The following AGAP1 variants were observed in gnomAD, a reference collection of about 807,000 sequenced individuals.
AGAP1 encodes arf-GAP with GTPase, ANK repeat and PH domain-containing protein 1.
AGAP1 carries 29 observed loss-of-function variants against 105.3 expected under a neutral mutation model. That is an observed-to-expected ratio of 0.28 (90% CI 0.21 to 0.38). The LOEUF (loss-of-function observed/expected upper bound fraction) is 0.38. AGAP1 is among the 10% of genes least tolerant of loss of function. AGAP1 has a pLI of 1.00. For missense variants in AGAP1, 998 were observed against 1,165.1 expected, an observed-to-expected ratio of 0.86 and a Z score of 2.09; for synonymous variants, 509 against 485.9, an observed-to-expected ratio of 1.05 and a Z score of -0.63.
intron 1 of AGAP1, among the ~76,000 whole-genome samples, chr2:235,590,627 TG>T (rs1460689996): frequency 1.3e-5 from 2 of 152,008 alleles, no homozygotes; most frequent in Non-Finnish European, 2.9e-5. Context: ...CACTCATTTT[TG>T]TTTTTGTTTC....
At chr2:235,828,895 A>G (rs1304561275) in intron 9 of AGAP1, among the ~76,000 whole-genome samples, 1 of 152,190 alleles carries the variant, frequency 6.6e-6, no homozygotes, top group Non-Finnish European at 1.5e-5. Flanking sequence ...ACAGACCTTG[A>G]GTCCTCGTTT....
intron 1 of AGAP1, among the ~76,000 whole-genome samples, chr2:235,516,420 A>C (rs1206053005): frequency 6.6e-6 from 1 of 152,016 alleles, no homozygotes; most frequent in African/African-American, 2.4e-5. Flanking sequence ...GTTGAGAGGC[A>C]GTATATGTCA....
intron 15 of AGAP1, among the ~76,000 whole-genome samples, chr2:236,047,969 G>A (rs765251309): frequency 1.3e-5 from 2 of 152,076 alleles, no homozygotes; most frequent in Non-Finnish European, 2.9e-5. Context: ...GTTAAATAAA[G>A]GACTGGCTTT....
At position 235,971,606 on chromosome 2, in the gene AGAP1, C is replaced by T. The variant is rs1156262894; in HGVS notation, c.1645+2983C>T. Among the ~76,000 whole-genome samples, 1 of 151,476 alleles carries T rather than the reference C, an allele frequency of 6.6e-6. No individual in the cohort carries two copies. Among genetic ancestry groups the T allele is most frequent in the East Asian group, 1.9e-4 (1 of 5,160 alleles). On this transcript the variant is annotated intron_variant, in intron 13 of 17. Transcript: ENST00000304032. The surrounding 1 kb of genome is among the most constrained non-coding windows in gnomAD (Gnocchi z 4.8). ...TTGGGAGGCTGAGGCAGGAGAATGGCGTGAACCCAGGAGGTGGAGCTTGCA... is the reference window on the plus strand; with the variant it reads ...TTGGGAGGCTGAGGCAGGAGAATGGTGTGAACCCAGGAGGTGGAGCTTGCA...
chr2:235,536,645 A>G (rs1280874005), intron 1 of AGAP1, among the ~76,000 whole-genome samples: 1 of 145,248 alleles, frequency 6.9e-6, no homozygotes, highest in African/African-American at 2.5e-5. Context: ...ACACACACAC[A>G]CACACACACA....
Position 235,552,481 on chromosome 2 carries a change from A to G in AGAP1, c.163+57632A>G, listed in dbSNP as rs561889165. 5.3e-5 allele frequency among the ~76,000 whole-genome samples: 8 copies of G among 152,274 alleles called. No individual in the cohort carries two copies. The South Asian group carries it at 1.5e-3, about 28-fold the overall frequency. ...TGAGTGCAGTGCAGAGCACTGGGAA[A>G]TGGACTTCCTGGGAAGTGTGGGATT... On this transcript the variant is annotated intron_variant, in intron 1 of 17. Coordinates refer to ENST00000304032, the MANE Select transcript of AGAP1 (RefSeq NM_001037131.3). This position sits in a 1 kb window ranked among gnomAD's most constrained non-coding sequence, Gnocchi z 5.9.
In AGAP1 at chr2:235,855,851, C is replaced by G. The variant is rs2048664072; in HGVS notation, c.1051-27494C>G. Among the ~76,000 whole-genome samples, 1 of 152,148 alleles carries G rather than the reference C, an allele frequency of 6.6e-6. No homozygotes were observed. The highest frequency in any genetic ancestry group is 2.1e-4 in the South Asian group (1 of 4,812). On this transcript the variant is annotated intron_variant, in intron 9 of 17. Coordinates refer to ENST00000304032, the MANE Select transcript of AGAP1 (RefSeq NM_001037131.3). The surrounding 1 kb of genome is among the most constrained non-coding windows in gnomAD (Gnocchi z 5.0). ...TATGAGGTCTCTAGATGCACGGAGG[C>G]TACTGCATTCCCAGGGGGTCAGCCT...
chr2:235,651,024 A>G (rs1056842776), intron 1 of AGAP1, among the ~76,000 whole-genome samples: 1 of 151,888 alleles, frequency 6.6e-6, no homozygotes, highest in Non-Finnish European at 1.5e-5. Context: ...TCTTAAAAAT[A>G]TAAAAAATTA....
intron 1 of AGAP1, among the ~76,000 whole-genome samples, chr2:235,641,467 C>T (rs1575023149): frequency 6.6e-6 from 1 of 151,318 alleles, no homozygotes; most frequent in East Asian, 2.0e-4. Flanking sequence ...GGATGCCTCC[C>T]TTTGCATTCC....
intron 11 of AGAP1, among the ~76,000 whole-genome samples, chr2:235,929,611 G>A (rs1314122157): frequency 1.1e-4 from 16 of 152,084 alleles, no homozygotes; most frequent in Admixed American, 6.5e-4. Flanking sequence ...TCGTGGTTCC[G>A]TGGCTTCCCA....
At chr2:235,649,451 G>A (rs1947507384) in intron 1 of AGAP1, among the ~76,000 whole-genome samples, 1 of 152,162 alleles carries the variant, frequency 6.6e-6, no homozygotes, top group African/African-American at 2.4e-5. Context: ...GTAGCTCACT[G>A]CAACCTCAAC....
chr2:235,982,673 C>T lies in AGAP1; in HGVS notation c.1645+14050C>T, dbSNP rs958190428. Among the ~76,000 whole-genome samples the T allele has an allele frequency of 6.6e-6, 1 of 152,228 alleles. No homozygotes were observed. The highest frequency in any genetic ancestry group is 1.5e-5 in the Non-Finnish European group (1 of 68,044). The stretch of plus-strand genomic sequence containing the variant: ...CACAGAAATACTTGCCCAGTCCGTT[C>T]GTGGAAGGAAAGAACCGAAGCCAGC... On this transcript the variant is annotated intron_variant, in intron 13 of 17. Coordinates refer to ENST00000304032, the MANE Select transcript of AGAP1 (RefSeq NM_001037131.3). This position sits in a 1 kb window ranked among gnomAD's most constrained non-coding sequence, Gnocchi z 4.9.
intron 1 of AGAP1, chr2:235,670,504 G>C (rs1445977914): frequency 6.0e-6 from 3 of 503,740 alleles, no homozygotes; most frequent in East Asian, 3.7e-5. Flanking sequence ...GCTCGCCCGC[G>C]TCCGGCAGCC....
chr2:235,826,535 C>T (rs1313686815), intron 9 of AGAP1, among the ~76,000 whole-genome samples: 7 of 152,042 alleles, frequency 4.6e-5, no homozygotes, highest in African/African-American at 1.7e-4. Flanking sequence ...CTGCAACCTC[C>T]ACCTCCCAGG....
rs537907082 is a variant in AGAP1 at position 235,724,314 on chromosome 2, C to T, written c.310+6670C>T. Among the ~76,000 whole-genome samples, 1 of 152,304 alleles carries T rather than the reference C, an allele frequency of 6.6e-6. No homozygotes were observed. Among genetic ancestry groups the T allele is most frequent in the South Asian group, 2.1e-4 (1 of 4,824 alleles). On this transcript the variant is annotated intron_variant, in intron 3 of 17. Transcript: ENST00000304032. This position sits in a 1 kb window ranked among gnomAD's most constrained non-coding sequence, Gnocchi z 4.9. ...CGGCCCTGCCTCCCTCCCAGAAGGG[C>T]GACCCTCCAGCCCCATGTCCAGGCT...
At chr2:235,972,708 A>T (rs1412929017) in intron 13 of AGAP1, among the ~76,000 whole-genome samples, 4 of 152,168 alleles carry the variant, frequency 2.6e-5, no homozygotes, top group Non-Finnish European at 5.9e-5. Context: ...TGCCAGTCAC[A>T]CAGTTGGCTC....
intron 9 of AGAP1, among the ~76,000 whole-genome samples, chr2:235,860,931 G>C (rs2048903395): frequency 6.6e-6 from 1 of 152,164 alleles, no homozygotes; most frequent in Non-Finnish European, 1.5e-5. Context: ...CTCTCCCTGT[G>C]TACGGCCGTC....
intron 6 of AGAP1, among the ~76,000 whole-genome samples, chr2:235,764,565 A>G (rs1954754447): frequency 6.6e-6 from 1 of 152,224 alleles, no homozygotes; most frequent in Non-Finnish European, 1.5e-5. Context: ...CAACAGCTAA[A>G]GAATTAAAAC....
chr2:235,815,166 G>A (rs557137153), intron 9 of AGAP1, among the ~76,000 whole-genome samples: 184 of 152,286 alleles, frequency 1.2e-3, no homozygotes, highest in African/African-American at 4.3e-3. Flanking sequence ...GTGCCCAGCA[G>A]CCCCACACAG....
Sources: gnomAD v4.1 joint callset for allele counts (sites outside exome capture counted in the v4.1 genomes callset) on GRCh38, gnomAD v4.1.1 for gene constraint, Gnocchi (gnomAD v3.1) non-coding constraint, MANE v1.5 for transcripts, NCBI Gene and HGNC (gene_info 2026-07-23, HGNC 2026-07-21) for gene names.